Variants in OSBPL11 observed in about 807,000 individuals in gnomAD.
OSBPL11 encodes oxysterol binding protein like 11.
Under a neutral mutation model 84.4 loss-of-function variants are expected in OSBPL11, and 33 were observed. That is an observed-to-expected ratio of 0.39 (90% confidence interval 0.30 to 0.52). The LOEUF (loss-of-function observed/expected upper bound fraction) is 0.52. Among genes scored for constraint, OSBPL11 ranks in the 20% least tolerant of loss-of-function variants. The pLI, the probability that OSBPL11 is intolerant of heterozygous loss-of-function variation, is 0.72. For synonymous variants in OSBPL11, 276 were observed against 310.2 expected (o/e 0.89, Z 1.16); for missense variants, 736 against 901.1 (o/e 0.82, Z 2.35).
chr3:125,590,996 G>A (rs1186387048), intron 1 of OSBPL11, among the ~76,000 whole-genome samples: 2 of 152,096 alleles, frequency 1.3e-5, no homozygotes, highest in African/African-American at 4.8e-5. Context: ...TTCTTCAACT[G>A]CAAAACAGGA....
At chr3:125,562,770 T>C (rs1936097088) in intron 7 of OSBPL11, among the ~76,000 whole-genome samples, 1 of 151,966 alleles carries the variant, frequency 6.6e-6, no homozygotes, top group African/African-American at 2.4e-5. Flanking sequence ...CTACTAAAAA[T>C]ACAAAATTAG....
intron 7 of OSBPL11, 82 bp downstream of exon 7, chr3:125,563,616 A>G: frequency 7.3e-7 from 1 of 1,369,884 alleles, no homozygotes; most frequent in East Asian, 2.3e-5. Context: ...GATGTGCATG[A>G]GCTGACAATG....
intron 10 of OSBPL11, among the ~76,000 whole-genome samples, chr3:125,547,115 C>T (rs1006099452): frequency 7.9e-5 from 12 of 152,150 alleles, no homozygotes; most frequent in African/African-American, 2.9e-4. Flanking sequence ...ATCTGTATCC[C>T]TTAAAGGCAG....
intron 9 of OSBPL11, 115 bp from the exon 10 acceptor site, chr3:125,547,707 T>C: frequency 1.3e-6 from 1 of 758,584 alleles, no homozygotes; most frequent in Non-Finnish European, 2.0e-6. Context: ...TTCCTAACCT[T>C]CATTTAACTT....
At position 125,562,329 on chromosome 3, in the gene OSBPL11, A is replaced by T. The variant is rs1936090719; in HGVS notation, c.1014+1369T>A. ...TTTTGCTTCTCCTCTAATTCTTAGC[A>T]TTGTACTTGCCATATACTAAGCTTA... On this transcript the variant is annotated intron_variant, in intron 7 of 12. Coordinates refer to ENST00000296220, the MANE Select transcript of OSBPL11 (RefSeq NM_022776.5). 3.3e-5 allele frequency among the ~76,000 whole-genome samples: 5 copies of T among 152,298 alleles called. No individual in the cohort carries two copies. In the South Asian group the frequency reaches 1.0e-3, roughly 32 times the overall value.
chr3:125,564,729 A>G (rs1475967763), intron 6 of OSBPL11, among the ~76,000 whole-genome samples: 2 of 149,798 alleles, frequency 1.3e-5, no homozygotes, highest in Non-Finnish European at 3.0e-5. Context: ...ATCTCAGCTC[A>G]CTGCAACCTC....
At chr3:125,535,451 T>TC (rs1935627870) in intron 11 of OSBPL11, among the ~76,000 whole-genome samples, 1 of 143,242 alleles carries the variant, frequency 7.0e-6, no homozygotes, top group East Asian at 2.0e-4. Context: ...TTTTTTTTTT[T>TC]TTTTTTTTTT....
intron 10 of OSBPL11, among the ~76,000 whole-genome samples, chr3:125,546,283 C>T (rs943073505): frequency 6.6e-6 from 1 of 151,198 alleles, no homozygotes; most frequent in Admixed American, 6.6e-5. Flanking sequence ...AAGCAATTCT[C>T]CTGCCTCAGC....
At chr3:125,579,428 C>T (rs940498951) in intron 3 of OSBPL11, among the ~76,000 whole-genome samples, 1 of 152,172 alleles carries the variant, frequency 6.6e-6, no homozygotes, top group African/African-American at 2.4e-5. Context: ...AAATAAAAAA[C>T]TTCTACACAA....
chr3:125,576,266 T>G lies in OSBPL11; in HGVS notation c.589A>C (p.Asn197His), dbSNP rs932060775. The change falls in exon 5 of 13, where the codon AAT (asparagine) becomes CAT (histidine). Residue 197 changes from asparagine to histidine, a missense_variant. Asn to His is a moderately conservative substitution (Grantham distance 68, BLOSUM62 1). This residue lies in a region of OSBPL11 where 579 missense variants were observed against 717.6 expected (regional missense o/e 0.81). Coordinates refer to ENST00000296220, the MANE Select transcript of OSBPL11 (RefSeq NM_022776.5). ...GATTGCAGTTTGGAATGTCCAACATTAAAAAAAGAAATGGCATTTTGACTT... is the reference window on the plus strand; with the variant it reads ...GATTGCAGTTTGGAATGTCCAACATGAAAAAAAGAAATGGCATTTTGACTT... ...RPSQNAISFFNVGHSKLQSLS... is the reference protein window; with the variant it reads ...RPSQNAISFFHVGHSKLQSLS... 1 of 1,610,776 alleles carries G rather than the reference T, an allele frequency of 6.2e-7. No individual in the cohort carries two copies. The highest frequency in any genetic ancestry group is 1.3e-5 in the African/African-American group (1 of 74,518).
chr3:125,545,512 C>T (rs1580040712), intron 10 of OSBPL11, among the ~76,000 whole-genome samples: 4 of 152,042 alleles, frequency 2.6e-5, no homozygotes, highest in Non-Finnish European at 1.5e-5. Flanking sequence ...AAAATAGTAT[C>T]CTGGATTATA....
At chr3:125,545,313 T>C (rs1935794641) in intron 10 of OSBPL11, among the ~76,000 whole-genome samples, 1 of 152,226 alleles carries the variant, frequency 6.6e-6, no homozygotes, top group Non-Finnish European at 1.5e-5. Flanking sequence ...GGAAGTATGT[T>C]GAGCATCATG....
In OSBPL11 at chr3:125,594,680, T is replaced by A. The variant is rs1249341914; in HGVS notation, c.121A>T (p.Ser41Cys). ...GCACTGCCACCGCGGCTGCTGCTGC[T>A]GCTACTGATTCCACCTCCACAGCTG... Reference protein sequence around the residue: ...NSSCGGGISSSSSSRGGSAKG... With the variant: ...NSSCGGGISSCSSSRGGSAKG... The change falls in exon 1 of 13, where the codon AGC becomes TGC. Residue 41 changes from serine to cysteine, a missense_variant. By Grantham distance (112) the Ser-to-Cys change is moderately radical. Transcript: ENST00000296220. 6.2e-7 allele frequency: 1 copy of A among 1,613,970 alleles called. No individual in the cohort carries two copies. Among genetic ancestry groups the A allele is most frequent in the African/African-American group, 1.3e-5 (1 of 74,938 alleles).
chr3:125,555,477 A>G (rs2107597019), intron 8 of OSBPL11, among the ~76,000 whole-genome samples: 1 of 152,332 alleles, frequency 6.6e-6, no homozygotes, highest in South Asian at 2.1e-4. Context: ...AGAGAACTCA[A>G]AAACATGAGT....
intron 5 of OSBPL11, among the ~76,000 whole-genome samples, chr3:125,573,542 G>A (rs1936273392): frequency 6.6e-6 from 1 of 152,142 alleles, no homozygotes. Context: ...TCATTTTCAA[G>A]GACAGTATGA....
chr3:125,576,439 A>G, intron 4 of OSBPL11, 74 bp from the exon 5 acceptor site: 1 of 1,203,060 alleles, frequency 8.3e-7, no homozygotes, highest in South Asian at 1.8e-5. Flanking sequence ...ACTACCATAC[A>G]CTTAAGATTT....
In OSBPL11 at chr3:125,563,839, C is replaced by T. The variant is rs775945643; in HGVS notation, c.873G>A (p.Thr291=). The change falls in exon 7 of 13, where the codon ACG becomes ACA. Residue 291 remains threonine (T), a synonymous_variant. Coordinates refer to ENST00000296220, the MANE Select transcript of OSBPL11 (RefSeq NM_022776.5). ...SHQKGSLPSG[T]TIEWLEPKIS... ...TCTTTGGTTCTAACCACTCGATTGT[C>T]GTTCCTGATGGAGTAAGAGAAAACT... 8.7e-6 allele frequency: 14 copies of T among 1,613,194 alleles called. No homozygotes were observed. The highest frequency in any genetic ancestry group is 1.7e-5 in the Admixed American group (1 of 59,702).
chr3:125,566,794 ATT>A (rs935625119), intron 6 of OSBPL11, among the ~76,000 whole-genome samples: 20 of 144,576 alleles, frequency 1.4e-4, no homozygotes, highest in African/African-American at 2.8e-4. Context: ...ATATATATAT[ATT>A]TTTTTTTTAA....
Position 125,531,811 on chromosome 3 carries a change from G to A in OSBPL11, c.2178+50C>T, listed in dbSNP as rs754982899. 4.6e-6 allele frequency: 7 copies of A among 1,529,268 alleles called. No individual in the cohort carries two copies. The South Asian group carries it at 7.6e-5, about 17-fold the overall frequency. 94.7% of individuals were successfully genotyped at this position (1,529,268 alleles called of 1,614,324 possible). A position where few individuals can be genotyped will look rare whatever the true frequency, so the allele number is the denominator to read the frequency against. ...ATTCAACAAAGCCTAGTAAGCTAAA[G>A]TTCTCAGCCAAGTAGATACATTTTT... On this transcript the variant is annotated intron_variant, in intron 12 of 12. Transcript: ENST00000296220.
Sources: gnomAD v4.1 joint callset for allele counts (sites outside exome capture counted in the v4.1 genomes callset) on GRCh38, gnomAD v4.1.1 for gene constraint, gnomAD v4.1.1 regional missense constraint, MANE v1.5 for transcripts, NCBI Gene and HGNC (gene_info 2026-07-23, HGNC 2026-07-21) for gene names.